SLC2A9: variants seen among roughly 807,000 people sequenced by gnomAD.
SLC2A9 encodes solute carrier family 2 member 9.
In SLC2A9, 39 loss-of-function variants were observed where a neutral mutation model predicts 50.6. The observed-to-expected ratio is 0.77, with a 90% confidence interval of 0.60 to 1.01. The LOEUF (loss-of-function observed/expected upper bound fraction) is 1.01. SLC2A9 is among the 50% of genes least tolerant of loss of function. The probability of loss-of-function intolerance (pLI) is 0.00; values close to 1 mark genes in which losing one functional copy is unlikely to be tolerated. For synonymous variants in SLC2A9, 324 were observed against 276.9 expected, an observed-to-expected ratio of 1.17 and a Z score of -1.69; for missense variants, 686 against 677.6, an observed-to-expected ratio of 1.01 and a Z score of -0.14.
chr4:9,890,795 G>A, intron 8 of SLC2A9, 84 bp from the exon 9 acceptor site: 1 of 1,243,244 alleles, frequency 8.0e-7, no homozygotes, highest in South Asian at 1.3e-5. Flanking sequence ...AACCGGCAAT[G>A]GCATCATGAT....
intron 3 of SLC2A9, among the ~76,000 whole-genome samples, chr4:9,807,906 C>T (rs1013841527): frequency 6.6e-5 from 10 of 152,200 alleles, no homozygotes; most frequent in African/African-American, 9.6e-5. Context: ...TGAAGGTGGA[C>T]GACATGGTTT....
In SLC2A9 at chr4:9,780,695, T is replaced by C. The variant is rs1454193967; in HGVS notation, n.386-630A>G. ...TGCCTTCAGCTGAGCTTAACGCCAG[T>C]AGAGGCCGAAACACTTCACAAATGC... is the stretch of plus-strand genomic sequence containing the variant. On this transcript the variant is annotated intron_variant and non_coding_transcript_variant, in intron 3 of 3. Coordinates refer to the SLC2A9 transcript ENST00000503803. 4.6e-5 allele frequency among the ~76,000 whole-genome samples: 7 copies of C among 152,328 alleles called. No individual in the cohort carries two copies. The South Asian group carries it at 1.0e-3, about 23-fold the overall frequency.
chr4:9,886,239 G>A (rs1736177233), intron 10 of SLC2A9, among the ~76,000 whole-genome samples: 1 of 152,216 alleles, frequency 6.6e-6, no homozygotes, highest in African/African-American at 2.4e-5. Flanking sequence ...GACACCTCCA[G>A]AGCACTGATG....
At chr4:9,957,586 C>T (rs145740181) in intron 5 of SLC2A9, among the ~76,000 whole-genome samples, 189 of 152,254 alleles carry the variant, frequency 1.2e-3, no homozygotes, top group African/African-American at 4.3e-3. Context: ...ATCAGTAATA[C>T]CCTCTAAAAT....
intron 1 of SLC2A9, chr4:10,028,921 C>T (rs992325649): frequency 6.6e-6 from 1 of 152,300 alleles, no homozygotes; most frequent in Non-Finnish European, 1.5e-5. Flanking sequence ...TCAGCCCAAT[C>T]CCTTCCAGCC....
chr4:9,922,195 G>C (rs1744063804), intron 6 of SLC2A9, among the ~76,000 whole-genome samples: 1 of 152,108 alleles, frequency 6.6e-6, no homozygotes, highest in Admixed American at 6.5e-5. Flanking sequence ...ACTGTGAACA[G>C]TGCTCAGCAA....
At chr4:9,832,358 C>T (rs1726309740) in intron 11 of SLC2A9, among the ~76,000 whole-genome samples, 1 of 152,224 alleles carries the variant, frequency 6.6e-6, no homozygotes. Flanking sequence ...CTAAGCTCCT[C>T]TCCGGAAAGG....
chr4:10,026,296 T>A (rs2109582571), upstream of SLC2A9, among the ~76,000 whole-genome samples: 1 of 152,288 alleles, frequency 6.6e-6, no homozygotes, highest in Admixed American at 6.5e-5. Context: ...GTGTTGGATC[T>A]CCCCGGGCTA....
At chr4:9,927,783 GA>G (rs1745169135) in intron 6 of SLC2A9, among the ~76,000 whole-genome samples, 2 of 152,244 alleles carry the variant, frequency 1.3e-5, no homozygotes, top group Non-Finnish European at 2.9e-5. Context: ...ACCGAACCTG[GA>G]GCCTTCACAT....
In SLC2A9 at chr4:9,844,755, C is replaced by T. The variant is rs555333201; in HGVS notation, c.1292-9747G>A. ...CAGAGATAAACCTGATATAAATTCC[C>T]ATCACTTTACCTACTAGCTATGTGA... On this transcript the variant is annotated intron_variant, in intron 10 of 11. Transcript: ENST00000264784. 5.7e-4 allele frequency among the ~76,000 whole-genome samples: 87 copies of T among 152,310 alleles called. 2 individuals are homozygous for T. The South Asian group carries it at 0.018, about 31-fold the overall frequency.
chr4:10,039,383 G>T (rs912975643), intron 1 of SLC2A9, among the ~76,000 whole-genome samples: 5 of 152,144 alleles, frequency 3.3e-5, no homozygotes, highest in African/African-American at 1.2e-4. Context: ...GGACGTGAAG[G>T]GCCAGAGGAA....
chr4:9,782,766 C>T (rs1187024726), intron 3 of SLC2A9: 4 of 1,614,006 alleles, frequency 2.5e-6, no homozygotes, highest in East Asian at 2.2e-5. Flanking sequence ...GTGACCTACA[C>T]GCGCATCTAC....
intron 2 of SLC2A9, among the ~76,000 whole-genome samples, chr4:10,002,287 C>T (rs1228379586): frequency 1.3e-5 from 2 of 152,226 alleles, no homozygotes; most frequent in Non-Finnish European, 2.9e-5. Context: ...TTCCTTACAA[C>T]TATGGAAATA....
At chr4:9,897,847 A>T (rs565067402) in intron 8 of SLC2A9, among the ~76,000 whole-genome samples, 1 of 152,280 alleles carries the variant, frequency 6.6e-6, no homozygotes, top group South Asian at 2.1e-4. Flanking sequence ...CAGTGAGCTG[A>T]GATTGTGCTA....
At chr4:10,011,720 A>G (rs10939654) in intron 2 of SLC2A9, among the ~76,000 whole-genome samples, 21,766 of 152,266 alleles carry the variant, frequency 0.14, 2,750 homozygotes, top group African/African-American at 0.34. Flanking sequence ...AACTATGCCA[A>G]TTGGAGCTAG....
chr4:9,883,177 G>A (rs568696808), intron 10 of SLC2A9, among the ~76,000 whole-genome samples: 1 of 151,842 alleles, frequency 6.6e-6, no homozygotes, highest in Admixed American at 6.6e-5. Flanking sequence ...TTGAAAATCT[G>A]ACTCTATTAT....
downstream of SLC2A9, among the ~76,000 whole-genome samples, chr4:9,778,119 C>G (rs1023819817): frequency 1.4e-5 from 2 of 146,098 alleles, no homozygotes; most frequent in African/African-American, 5.1e-5. Context: ...TTTCCTTCTC[C>G]CCGCCTCCCC....
chr4:9,928,115 A>G (rs996800118), intron 6 of SLC2A9, among the ~76,000 whole-genome samples: 1 of 152,204 alleles, frequency 6.6e-6, no homozygotes, highest in Non-Finnish European at 1.5e-5. Flanking sequence ...CATCTCAAGA[A>G]AAAAAACAAA....
At chr4:9,987,164 G>C (rs1756870991) in intron 3 of SLC2A9, among the ~76,000 whole-genome samples, 1 of 152,128 alleles carries the variant, frequency 6.6e-6, no homozygotes, top group Non-Finnish European at 1.5e-5. Context: ...CTATCACCCA[G>C]GCTGGAGTGG....
Sources: gnomAD v4.1 joint callset for allele counts (sites outside exome capture counted in the v4.1 genomes callset) on GRCh38, gnomAD v4.1.1 for gene constraint, MANE v1.5 for transcripts, NCBI Gene and HGNC (gene_info 2026-07-23, HGNC 2026-07-21) for gene names.